The following PTPRG variants were observed in gnomAD, a reference collection of about 807,000 sequenced individuals.
PTPRG encodes the protein protein tyrosine phosphatase receptor type G, also known as receptor-type tyrosine-protein phosphatase gamma.
Under a neutral mutation model 165.3 loss-of-function variants are expected in PTPRG, and 102 were observed. The observed-to-expected ratio is 0.62, with a 90% CI of 0.53 to 0.73. The LOEUF (loss-of-function observed/expected upper bound fraction) is 0.73, where lower values mean the gene tolerates loss of function less well. Ranked by LOEUF, PTPRG falls within the 30% of genes least tolerant of loss-of-function variation. The pLI is 0.00. For synonymous variants in PTPRG, 675 were observed against 669.5 expected (o/e 1.01, Z -0.13); for missense variants, 1,866 against 1,861.4 (o/e 1.00, Z -0.05).
chr3:61,871,568 A>T (rs2037585191), intron 2 of PTPRG, among the ~76,000 whole-genome samples: 1 of 152,174 alleles, frequency 6.6e-6, no homozygotes, highest in African/African-American at 2.4e-5. Context: ...AATAGGAAAA[A>T]GTTCATCCTC....
chr3:61,757,384 C>G (rs1382704324), intron 2 of PTPRG, among the ~76,000 whole-genome samples: 2 of 151,284 alleles, frequency 1.3e-5, no homozygotes, highest in Non-Finnish European at 2.9e-5. Context: ...TAAATGGTAT[C>G]AAATTCAGGC....
rs149234855 is a variant in PTPRG at position 61,604,704 on chromosome 3, T to C, written c.85+42332T>C. ...AACGCAGGTCTGTGACCTTTTGTAT[T>C]GTAACACTGCCATTCATCAGCTTGC... On this transcript the variant is annotated intron_variant, in intron 1 of 29. Transcript: ENST00000474889. Among the ~76,000 whole-genome samples the C allele has an allele frequency of 4.5e-3, 689 of 152,260 alleles. 8 individuals carry two copies. Among genetic ancestry groups the C allele is most frequent in the African/African-American group, 0.015 (641 of 41,544 alleles).
At chr3:61,679,182 T>A (rs1458128857) in intron 1 of PTPRG, among the ~76,000 whole-genome samples, 1 of 152,142 alleles carries the variant, frequency 6.6e-6, no homozygotes, top group Non-Finnish European at 1.5e-5. Flanking sequence ...ATTAATTGAT[T>A]TTGATTATAT....
intron 2 of PTPRG, among the ~76,000 whole-genome samples, chr3:61,910,525 C>T (rs1226263921): frequency 1.3e-5 from 2 of 152,154 alleles, no homozygotes; most frequent in African/African-American, 4.8e-5. Context: ...TTTTCCTCTC[C>T]TGGATATTGC....
intron 1 of PTPRG, among the ~76,000 whole-genome samples, chr3:61,620,385 G>A (rs11130850): frequency 0.096 from 14,532 of 152,152 alleles, 777 homozygotes; most frequent in Middle Eastern, 0.13. Context: ...CTATTGATGC[G>A]GATTGAATTT....
At chr3:62,101,072 G>T in intron 5 of PTPRG, among the ~76,000 whole-genome samples, 1 of 152,200 alleles carries the variant, frequency 6.6e-6, no homozygotes, top group East Asian at 1.9e-4. Context: ...AATAATAAAT[G>T]ATTGAGGGTT....
At chr3:62,052,949 C>T (rs981614180) in intron 4 of PTPRG, among the ~76,000 whole-genome samples, 1 of 152,138 alleles carries the variant, frequency 6.6e-6, no homozygotes. Context: ...ATAGAAAAGA[C>T]GGAGATACCC....
chr3:61,822,933 C>T (rs183927520), intron 2 of PTPRG, among the ~76,000 whole-genome samples: 9 of 152,276 alleles, frequency 5.9e-5, no homozygotes, highest in Admixed American at 2.6e-4. Context: ...GACTTGAAAA[C>T]ACCTCCCTGT....
intron 1 of PTPRG, among the ~76,000 whole-genome samples, chr3:61,676,473 A>AAAAAAAAAAAAAAAAAAATT (rs1379389027): frequency 6.8e-6 from 1 of 147,086 alleles, no homozygotes; most frequent in Non-Finnish European, 1.5e-5. Flanking sequence ...AAAAAAAAAA[A>AAAAAAAAAAAAAAAAAAATT]AGAAAATTAC....
intron 2 of PTPRG, among the ~76,000 whole-genome samples, chr3:61,837,109 T>C (rs1354524193): frequency 6.6e-6 from 1 of 152,200 alleles, no homozygotes; most frequent in Non-Finnish European, 1.5e-5. Flanking sequence ...AGATGGGTTT[T>C]ATCATATTGG....
intron 6 of PTPRG, among the ~76,000 whole-genome samples, chr3:62,139,015 C>A (rs116521806): frequency 2.9e-4 from 44 of 152,312 alleles, no homozygotes; most frequent in African/African-American, 1.1e-3. Flanking sequence ...AGGAAACTTG[C>A]CTGTGGTGAT....
At chr3:61,712,031 T>G (rs947816936) in intron 1 of PTPRG, among the ~76,000 whole-genome samples, 1 of 151,848 alleles carries the variant, frequency 6.6e-6, no homozygotes, top group African/African-American at 2.4e-5. Context: ...GTAGCTGGGA[T>G]TATAGGCACC....
intron 1 of PTPRG, among the ~76,000 whole-genome samples, chr3:61,613,130 C>A (rs995359808): frequency 6.6e-6 from 1 of 152,178 alleles, no homozygotes; most frequent in African/African-American, 2.4e-5. Context: ...CTAGGACACT[C>A]AAAAGCCTAG....
chr3:62,182,976 ACGTTTG>A (rs1335036119), intron 8 of PTPRG, among the ~76,000 whole-genome samples: 19 of 152,218 alleles, frequency 1.2e-4, no homozygotes, highest in Non-Finnish European at 2.5e-4. Context: ...TTTCTAAAGT[ACGTTTG>A]CTATATGTCA....
chr3:62,089,153 A>G (rs1488855459), intron 5 of PTPRG, among the ~76,000 whole-genome samples: 1 of 152,210 alleles, frequency 6.6e-6, no homozygotes, highest in South Asian at 2.1e-4. Flanking sequence ...TTTCTGGATA[A>G]TGCCTGCCTG....
At chr3:62,250,092 A>G (rs969501323) in intron 15 of PTPRG, among the ~76,000 whole-genome samples, 2 of 152,226 alleles carry the variant, frequency 1.3e-5, no homozygotes, top group African/African-American at 2.4e-5. Flanking sequence ...TACTTGTGTT[A>G]TCTTGTTTAC....
chr3:61,750,765 A>G (rs980607323), intron 2 of PTPRG: 1 of 152,230 alleles, frequency 6.6e-6, no homozygotes, highest in Admixed American at 6.5e-5. Flanking sequence ...TGAATTTTAT[A>G]ATTTTCATGT....
At chr3:62,112,318 G>A (rs544439551) in intron 5 of PTPRG, among the ~76,000 whole-genome samples, 54 of 152,068 alleles carry the variant, frequency 3.6e-4, no homozygotes, top group Middle Eastern at 3.4e-3. Flanking sequence ...TGGCCAGGCT[G>A]GTCTCAAACT....
intron 28 of PTPRG, among the ~76,000 whole-genome samples, chr3:62,285,783 T>C (rs924569152): frequency 1.3e-5 from 2 of 152,148 alleles, no homozygotes; most frequent in African/African-American, 4.8e-5. Context: ...GGTTCTCATA[T>C]AGTCTTATAA....
Sources: gnomAD v4.1 joint callset for allele counts (sites outside exome capture counted in the v4.1 genomes callset) on GRCh38, gnomAD v4.1.1 for gene constraint, MANE v1.5 for transcripts, NCBI Gene and HGNC (gene_info 2026-07-23, HGNC 2026-07-21) for gene names.